Variants in ART3 observed in about 807,000 individuals in gnomAD.
ART3 encodes the protein ADP-ribosyltransferase 3 (inactive).
ART3 carries 49 observed loss-of-function variants against 48.5 expected under a neutral mutation model. That is an observed-to-expected ratio of 1.01 (90% confidence interval 0.80 to 1.28). The LOEUF is 1.28. ART3 is among the 50% of genes most tolerant of loss of function. ART3 has a pLI of 0.00. For synonymous variants in ART3, 145 were observed against 157.2 expected (o/e 0.92, Z 0.58); for missense variants, 438 against 454.3 (o/e 0.96, Z 0.33).
chr4:76,074,647 G>A (rs28647509), upstream of ART3: 31,380 of 152,104 alleles, frequency 0.21, 5,516 homozygotes, highest in African/African-American at 0.48. Context: ...AAGTAGCGTA[G>A]TGTGCCACTG....
intron 1 of ART3, among the ~76,000 whole-genome samples, chr4:76,055,099 C>T (rs1298537071): frequency 6.6e-6 from 1 of 152,180 alleles, no homozygotes; most frequent in Admixed American, 6.5e-5. Context: ...TAAGGCTTTC[C>T]TAACATCCTG....
chr4:76,047,692 G>A (rs901943497), intron 1 of ART3, among the ~76,000 whole-genome samples: 3 of 151,936 alleles, frequency 2.0e-5, no homozygotes, highest in African/African-American at 7.2e-5. Flanking sequence ...CTTGCTGACT[G>A]GTAGGGAATT....
intron 10 of ART3, chr4:76,107,228 A>G (rs918981852): frequency 6.6e-6 from 1 of 152,194 alleles, no homozygotes; most frequent in Non-Finnish European, 1.5e-5. Context: ...CAACCCCATC[A>G]TAAGTCGAGA....
chr4:76,094,438 A>T (rs58232272), intron 3 of ART3, among the ~76,000 whole-genome samples: 17,919 of 152,160 alleles, frequency 0.12, 1,294 homozygotes, highest in East Asian at 0.34. Flanking sequence ...GATGCTGTGA[A>T]TTTTACCTTG....
At chr4:76,028,195 G>T (rs1244093334) in intron 1 of ART3, among the ~76,000 whole-genome samples, 4 of 152,116 alleles carry the variant, frequency 2.6e-5, no homozygotes, top group Non-Finnish European at 5.9e-5. Context: ...CAAACTTTTA[G>T]AGACAGTAGC....
At chr4:76,086,065 C>CT (rs1205903673) in intron 3 of ART3, among the ~76,000 whole-genome samples, 1 of 151,180 alleles carries the variant, frequency 6.6e-6, no homozygotes, top group Non-Finnish European at 1.5e-5. Context: ...AGAGTCCCCC[C>CT]CCCCGCTCCC....
intron 1 of ART3, among the ~76,000 whole-genome samples, chr4:76,062,662 G>A (rs62318892): frequency 2.7e-5 from 4 of 145,598 alleles, no homozygotes; most frequent in South Asian, 4.3e-4. Flanking sequence ...TCGGGTTCAC[G>A]CCATTCTTCT....
chr4:76,077,630 T>C (rs999575677), intron 2 of ART3, among the ~76,000 whole-genome samples: 17 of 152,328 alleles, frequency 1.1e-4, no homozygotes, highest in African/African-American at 3.8e-4. Flanking sequence ...AATATATATG[T>C]AAGAATGAAT....
chr4:76,014,437 T>C (rs1204804351), intron 1 of ART3, among the ~76,000 whole-genome samples: 1 of 152,104 alleles, frequency 6.6e-6, no homozygotes, highest in African/African-American at 2.4e-5. Context: ...AACAGCAGTT[T>C]TGAGCCAGCA....
upstream of ART3, among the ~76,000 whole-genome samples, chr4:76,070,148 C>T (rs1280136349): frequency 6.7e-6 from 1 of 150,272 alleles, no homozygotes; most frequent in Non-Finnish European, 1.5e-5. Flanking sequence ...TGAACATACA[C>T]TTTAATAATT....
intron 2 of ART3, among the ~76,000 whole-genome samples, chr4:76,080,541 TG>T: frequency 6.6e-6 from 1 of 152,222 alleles, no homozygotes; most frequent in African/African-American, 2.4e-5. Context: ...GATGGAGTTT[TG>T]CTCTTTTGCC....
At chr4:76,066,156 CA>C (rs1414140114) in intron 1 of ART3, among the ~76,000 whole-genome samples, 5 of 152,194 alleles carry the variant, frequency 3.3e-5, no homozygotes, top group Non-Finnish European at 5.9e-5. Flanking sequence ...AATCTTTTAG[CA>C]GCAGAGATTT....
intron 5 of ART3, 53 bp downstream of exon 5, chr4:76,099,040 G>T: frequency 6.6e-7 from 1 of 1,525,392 alleles, no homozygotes; most frequent in Non-Finnish European, 9.1e-7. Context: ...GGTGGCTCAC[G>T]CCTGTAATCC....
intron 1 of ART3, among the ~76,000 whole-genome samples, chr4:76,052,928 C>T (rs1736274255): frequency 6.6e-6 from 1 of 152,006 alleles, no homozygotes; most frequent in African/African-American, 2.4e-5. Flanking sequence ...GGGGTTTCAC[C>T]ATGTTGGCAA....
intron 1 of ART3, among the ~76,000 whole-genome samples, chr4:76,062,129 A>C (rs1387505845): frequency 6.6e-6 from 1 of 152,210 alleles, no homozygotes; most frequent in Non-Finnish European, 1.5e-5. Context: ...TCGTATAAGA[A>C]AGCTACCAGA....
chr4:76,079,930 AC>A (rs985242364), intron 2 of ART3, among the ~76,000 whole-genome samples: 1 of 150,422 alleles, frequency 6.6e-6, no homozygotes, highest in African/African-American at 2.5e-5. Context: ...ACACACACAC[AC>A]AGAGAGAGAG....
intron 1 of ART3, among the ~76,000 whole-genome samples, chr4:76,025,773 A>T (rs1247459155): frequency 6.6e-6 from 1 of 152,224 alleles, no homozygotes; most frequent in East Asian, 1.9e-4. Flanking sequence ...TCCATTGCAC[A>T]AACATATCAG....
intron 1 of ART3, chr4:76,036,257 G>A: frequency 2.6e-6 from 1 of 383,654 alleles, no homozygotes; most frequent in Non-Finnish European, 4.6e-6. Flanking sequence ...GAATGTGAAA[G>A]CACTGTGAAA....
chr4:76,077,756 T>C (rs1721444720), intron 2 of ART3, among the ~76,000 whole-genome samples: 1 of 152,226 alleles, frequency 6.6e-6, no homozygotes, highest in South Asian at 2.1e-4. Flanking sequence ...AATTTTATGT[T>C]AACTTTTTTA....
Sources: allele counts gnomAD v4.1 joint callset (sites outside exome capture counted in the v4.1 genomes callset), GRCh38; gene constraint gnomAD v4.1.1; transcripts MANE v1.5; gene names NCBI Gene and HGNC (gene_info 2026-07-23, HGNC 2026-07-21).